GPATCH2L: variants seen among roughly 807,000 people sequenced by gnomAD.
The protein encoded by GPATCH2L is G patch domain-containing protein 2-like.
GPATCH2L carries 31 observed loss-of-function variants against 57.4 expected under a neutral mutation model. The observed-to-expected ratio is 0.54, with a 90% CI of 0.41 to 0.73. The LOEUF is 0.73. GPATCH2L is among the 30% of genes least tolerant of loss of function. The pLI is 0.00. For missense variants in GPATCH2L, 481 were observed against 599.9 expected (o/e 0.80, Z 2.07); for synonymous variants, 199 against 210.7 (o/e 0.94, Z 0.48).
At chr14:76,187,851 C>T (rs77636166) in intron 8 of GPATCH2L, among the ~76,000 whole-genome samples, 27,222 of 152,040 alleles carry the variant, frequency 0.18, 2,888 homozygotes, top group African/African-American at 0.3. Context: ...TAACCATCCA[C>T]ATTCCCCACC....
chr14:76,195,317 A>T (rs1162930514), intron 8 of GPATCH2L, among the ~76,000 whole-genome samples: 1 of 152,200 alleles, frequency 6.6e-6, no homozygotes, highest in Non-Finnish European at 1.5e-5. Context: ...AGATGAAGGA[A>T]CATATTGTCA....
chr14:76,164,277 A>G (rs2038730799), intron 2 of GPATCH2L, among the ~76,000 whole-genome samples: 1 of 152,134 alleles, frequency 6.6e-6, no homozygotes, highest in Non-Finnish European at 1.5e-5. Context: ...CTTAGGCACT[A>G]CTGGCATTTT....
intron 5 of GPATCH2L, chr14:76,174,019 T>A: frequency 4.3e-6 from 1 of 232,636 alleles, no homozygotes. Flanking sequence ...TTTTGGTCTT[T>A]CATCCTAGAA....
At position 76,207,499 on chromosome 14, in the gene GPATCH2L, A is replaced by G. The variant is rs1406152340; in HGVS notation, c.*5648A>G. The G allele has an allele frequency of 6.6e-6, 1 of 151,936 alleles. No individual in the cohort carries two copies. Among genetic ancestry groups the G allele is most frequent in the Non-Finnish European group, 1.5e-5 (1 of 68,020 alleles). 9.4% of individuals were successfully genotyped at this position (151,936 alleles called of 1,614,324 possible). A position where few individuals can be genotyped will look rare whatever the true frequency, so the allele number is the denominator to read the frequency against. On this transcript the variant is annotated 3_prime_UTR_variant, in exon 10 of 10. Transcript: ENST00000261530. The stretch of plus-strand genomic sequence containing the variant: ...TCATGTATTTTCCAGCATGATAATG[A>G]TGAATCATTTAAAGTACGGCTCATA...
chr14:76,225,978 G>A (rs938638867), intron 1 of GPATCH2L, among the ~76,000 whole-genome samples: 8 of 152,138 alleles, frequency 5.3e-5, no homozygotes, highest in Admixed American at 1.3e-4. Context: ...GTAAGGATAC[G>A]GAGCAACGAA....
At chr14:76,232,255 G>A (rs1014150963) in intron 2 of GPATCH2L, among the ~76,000 whole-genome samples, 2 of 152,140 alleles carry the variant, frequency 1.3e-5, no homozygotes, top group Admixed American at 6.5e-5. Flanking sequence ...TTTAATGGCT[G>A]TATCAAACAC....
chr14:76,152,575 G>A, intron 1 of GPATCH2L: 1 of 446,848 alleles, frequency 2.2e-6, no homozygotes, highest in Admixed American at 2.4e-5. Flanking sequence ...CCTCATCTCT[G>A]CCCGGGTGCG....
chr14:76,166,752 C>G (rs1337364488), intron 3 of GPATCH2L, 25 bp downstream of exon 3: 1 of 1,513,398 alleles, frequency 6.6e-7, no homozygotes, highest in East Asian at 2.3e-5. Context: ...AGCTTTGGGA[C>G]CTTGGTTCCG....
At chr14:76,187,332 A>G (rs527412332) in intron 8 of GPATCH2L, among the ~76,000 whole-genome samples, 2 of 152,218 alleles carry the variant, frequency 1.3e-5, no homozygotes, top group South Asian at 2.1e-4. Context: ...TCCTGGGGAC[A>G]GGACCTCAGC....
At chr14:76,160,398 A>G (rs1566772515) in intron 2 of GPATCH2L, among the ~76,000 whole-genome samples, 1 of 152,324 alleles carries the variant, frequency 6.6e-6, no homozygotes, top group Non-Finnish European at 1.5e-5. Context: ...AATCTTGGCA[A>G]TAGGCCATCT....
intron 8 of GPATCH2L, among the ~76,000 whole-genome samples, chr14:76,189,025 T>C (rs1041145958): frequency 2.0e-5 from 3 of 152,054 alleles, no homozygotes; most frequent in Admixed American, 2.0e-4. Context: ...CATGTGTGGA[T>C]TTGTTTCTGG....
At chr14:76,155,885 G>A in intron 2 of GPATCH2L, among the ~76,000 whole-genome samples, 1 of 152,048 alleles carries the variant, frequency 6.6e-6, no homozygotes, top group East Asian at 1.9e-4. Flanking sequence ...CCTTTTCATT[G>A]TATCAACCCA....
At chr14:76,224,387 C>A (rs1441762330) in intron 1 of GPATCH2L, among the ~76,000 whole-genome samples, 2 of 152,070 alleles carry the variant, frequency 1.3e-5, no homozygotes, top group Non-Finnish European at 2.9e-5. Flanking sequence ...TCAAGATATA[C>A]GAATTATGTT....
chr14:76,212,035 A>G lies in GPATCH2L; in HGVS notation c.*10184A>G, dbSNP rs1025753453. The G allele has an allele frequency of 2.0e-5, 3 of 152,152 alleles. No homozygotes were observed. The highest frequency in any genetic ancestry group is 4.4e-5 in the Non-Finnish European group (3 of 68,026). 9.4% of individuals were successfully genotyped at this position (152,152 alleles called of 1,614,324 possible). ...GTAAATTACTAATTTTTCATTGCTC[A>G]TAGTAGAGAATTAAGGTATATTGAC... On this transcript the variant is annotated 3_prime_UTR_variant, in exon 10 of 10. Transcript: ENST00000261530.
intron 3 of GPATCH2L, among the ~76,000 whole-genome samples, chr14:76,171,514 C>T (rs1418962909): frequency 6.6e-6 from 1 of 151,866 alleles, no homozygotes; most frequent in Non-Finnish European, 1.5e-5. Context: ...GGAGGGGAGG[C>T]GGAGGTTACA....
At chr14:76,183,472 A>G (rs1338936250) in intron 8 of GPATCH2L, among the ~76,000 whole-genome samples, 1 of 151,902 alleles carries the variant, frequency 6.6e-6, no homozygotes, top group Admixed American at 6.6e-5. Flanking sequence ...TATAGCAAAA[A>G]AATTATAGCA....
intron 2 of GPATCH2L, among the ~76,000 whole-genome samples, chr14:76,232,012 A>AT (rs2040572666): frequency 2.9e-3 from 7 of 2,402 alleles, no homozygotes; most frequent in South Asian, 0.011. Context: ...TGCAGGCTCA[A>AT]GCAATCTTCC....
chr14:76,227,424 G>A (rs541750661), intron 1 of GPATCH2L, among the ~76,000 whole-genome samples: 1 of 152,148 alleles, frequency 6.6e-6, no homozygotes. Context: ...CAGAGTCCAG[G>A]GGGGAGGGAC....
intron 2 of GPATCH2L, among the ~76,000 whole-genome samples, chr14:76,231,751 C>G (rs963799487): frequency 6.6e-6 from 1 of 151,902 alleles, no homozygotes; most frequent in South Asian, 2.1e-4. Flanking sequence ...TATAATATTA[C>G]CACTCCCAAA....
Sources: gnomAD v4.1 joint callset for allele counts (sites outside exome capture counted in the v4.1 genomes callset) on GRCh38, gnomAD v4.1.1 for gene constraint, MANE v1.5 for transcripts, NCBI Gene and HGNC (gene_info 2026-07-23, HGNC 2026-07-21) for gene names.